Variants in APBB2 observed in about 807,000 individuals in gnomAD.
The protein encoded by APBB2 is amyloid beta precursor protein binding family B member 2, also known as Fe65-like 1.
APBB2 carries 38 observed loss-of-function variants against 82.5 expected under a neutral mutation model. The observed-to-expected ratio is 0.46, with a 90% CI of 0.36 to 0.60. The LOEUF (loss-of-function observed/expected upper bound fraction) is 0.60. Among genes scored for constraint, APBB2 ranks in the 20% least tolerant of loss-of-function variants. The probability of loss-of-function intolerance (pLI) is 0.00; values close to 1 mark genes in which losing one functional copy is unlikely to be tolerated. For synonymous variants in APBB2, 341 were observed against 368.2 expected (o/e 0.93, Z 0.85); for missense variants, 772 against 972.3 (o/e 0.79, Z 2.74).
chr4:41,109,243 G>A (rs1355037334), intron 2 of APBB2, among the ~76,000 whole-genome samples: 5 of 151,874 alleles, frequency 3.3e-5, no homozygotes, highest in South Asian at 2.1e-4. Flanking sequence ...CAGCCTAGGC[G>A]ACAGGGCAAG....
intron 10 of APBB2, among the ~76,000 whole-genome samples, chr4:40,927,322 G>C (rs1782866834): frequency 1.3e-5 from 2 of 152,172 alleles, no homozygotes; most frequent in African/African-American, 4.8e-5. Context: ...GGAGCGGTCA[G>C]AGGCCCAGAA....
intron 1 of APBB2, among the ~76,000 whole-genome samples, chr4:41,207,148 G>A (rs868091439): frequency 2.2e-5 from 3 of 133,740 alleles, no homozygotes; most frequent in African/African-American, 5.7e-5. Flanking sequence ...GCAGTGAGCC[G>A]AGATTAAGCC....
chr4:40,943,531 C>A (rs1380822104), intron 7 of APBB2, among the ~76,000 whole-genome samples: 1 of 152,166 alleles, frequency 6.6e-6, no homozygotes, highest in Middle Eastern at 3.2e-3. Context: ...TCCCAGGATC[C>A]AACTGGGTGG....
chr4:41,022,072 G>T (rs1014165250), intron 5 of APBB2, among the ~76,000 whole-genome samples: 1 of 152,132 alleles, frequency 6.6e-6, no homozygotes, highest in East Asian at 1.9e-4. Flanking sequence ...GCAAGGGTCC[G>T]TGGCTTCATT....
At chr4:41,086,920 CCA>C (rs140593111) in intron 3 of APBB2, among the ~76,000 whole-genome samples, 10,534 of 38,638 alleles carry the variant, frequency 0.27, 517 homozygotes, top group Non-Finnish European at 0.43. Flanking sequence ...CTTAAAAATT[CCA>C]CACACACACA....
chr4:40,886,481 A>C (rs1028681319), intron 12 of APBB2, among the ~76,000 whole-genome samples: 50 of 151,950 alleles, frequency 3.3e-4, no homozygotes, highest in Admixed American at 2.0e-4. Context: ...ACTCCATCTC[A>C]AAAAGAGAAA....
At chr4:40,942,654 G>C (rs771659760) in intron 7 of APBB2, among the ~76,000 whole-genome samples, 4 of 152,054 alleles carry the variant, frequency 2.6e-5, no homozygotes, top group African/African-American at 7.2e-5. Flanking sequence ...TGTTGGGGGG[G>C]AACACTGAAC....
chr4:41,095,124 G>C (rs551291840), intron 3 of APBB2, among the ~76,000 whole-genome samples: 1 of 152,306 alleles, frequency 6.6e-6, no homozygotes, highest in African/African-American at 2.4e-5. Flanking sequence ...CAGTTACAGT[G>C]GTGGGTTCAA....
chr4:40,995,949 T>C (rs1803526758), intron 6 of APBB2, among the ~76,000 whole-genome samples: 1 of 152,182 alleles, frequency 6.6e-6, no homozygotes, highest in Non-Finnish European at 1.5e-5. Context: ...GGATTACAGA[T>C]GTGAGCCACC....
intron 17 of APBB2, among the ~76,000 whole-genome samples, chr4:40,820,622 G>A (rs375368572): frequency 5.1e-4 from 78 of 152,056 alleles, no homozygotes; most frequent in African/African-American, 1.8e-3. Context: ...CTGAGATCGC[G>A]CCATTGCACT....
At chr4:40,987,935 T>C (rs1800820368) in intron 6 of APBB2, among the ~76,000 whole-genome samples, 1 of 152,224 alleles carries the variant, frequency 6.6e-6, no homozygotes, top group Middle Eastern at 3.2e-3. Flanking sequence ...TCTTCCACCA[T>C]ATTAAAATGA....
chr4:41,096,990 G>A (rs1743698581), intron 3 of APBB2, among the ~76,000 whole-genome samples: 1 of 152,142 alleles, frequency 6.6e-6, no homozygotes, highest in Admixed American at 6.5e-5. Context: ...TGCACACAAA[G>A]GTTTATAAAA....
intron 1 of APBB2, among the ~76,000 whole-genome samples, chr4:41,190,474 C>T (rs1231660158): frequency 1.3e-5 from 2 of 151,870 alleles, no homozygotes; most frequent in East Asian, 3.9e-4. Context: ...GGTCTTCAAA[C>T]TCTTGACCTT....
intron 7 of APBB2, among the ~76,000 whole-genome samples, chr4:40,938,975 G>C (rs1345389767): frequency 2.6e-5 from 4 of 152,100 alleles, no homozygotes; most frequent in East Asian, 1.9e-4. Context: ...GAGTGGGACT[G>C]GTGGCTTTAT....
chr4:40,860,328 C>A (rs956017844), intron 12 of APBB2, among the ~76,000 whole-genome samples: 1 of 152,068 alleles, frequency 6.6e-6, no homozygotes, highest in African/African-American at 2.4e-5. Context: ...TGGAGGGACT[C>A]GAGACTGAGA....
chr4:40,820,684 T>G (rs1326446349), intron 17 of APBB2, among the ~76,000 whole-genome samples: 1 of 151,720 alleles, frequency 6.6e-6, no homozygotes, highest in Admixed American at 6.6e-5. Flanking sequence ...AATAAATAAA[T>G]AATCTAAATA....
rs566729627 is a variant in APBB2, at chr4:41,158,605, A to C, written c.-416-15463T>G. Among the ~76,000 whole-genome samples the C allele has an allele frequency of 2.4e-3, 360 of 152,354 alleles. 1 individual carries two copies. The highest frequency in any genetic ancestry group is 4.2e-3 in the Non-Finnish European group (283 of 68,022). Reference sequence around the variant, plus strand: ...CTGGTTGAAAGCAAGTCCCAACTCTACAAGACAGGTCTTTCCCAGGAGGAT... The same window carrying C: ...CTGGTTGAAAGCAAGTCCCAACTCTCCAAGACAGGTCTTTCCCAGGAGGAT... On this transcript the variant is annotated intron_variant, in intron 1 of 17. Transcript: ENST00000508593.
At chr4:41,103,376 A>T (rs1746096810) in intron 2 of APBB2, among the ~76,000 whole-genome samples, 1 of 152,220 alleles carries the variant, frequency 6.6e-6, no homozygotes, top group South Asian at 2.1e-4. Flanking sequence ...CATTCTTAAA[A>T]ACCAATAAAT....
Position 40,897,714 on chromosome 4 carries a change from CGA to C in APBB2, c.1255-4305_1255-4304del, listed in dbSNP as rs1414003197. Among the ~76,000 whole-genome samples the C allele has an allele frequency of 7.0e-4, 106 of 152,108 alleles. 3 individuals carry two copies. The highest frequency in any genetic ancestry group is 2.6e-4 in the Non-Finnish European group (18 of 68,026). ...GTAAGCGGGACTAGGCAGCTCCGCC[CGA>C]GGGGCCAGCTTGGCTTCTTCCCAAA... On this transcript the variant is annotated intron_variant, in intron 10 of 17. Transcript: ENST00000508593.
Sources: allele counts gnomAD v4.1 joint callset (sites outside exome capture counted in the v4.1 genomes callset), GRCh38; gene constraint gnomAD v4.1.1; transcripts MANE v1.5; gene names NCBI Gene and HGNC (gene_info 2026-07-23, HGNC 2026-07-21).